The following DOCK4 variants were observed in gnomAD, a reference collection of about 807,000 sequenced individuals.
The protein encoded by DOCK4 is dedicator of cytokinesis 4.
Under a neutral mutation model 268.1 loss-of-function variants are expected in DOCK4, and 97 were observed. That is an observed-to-expected ratio of 0.36 (90% CI 0.31 to 0.43). The LOEUF (loss-of-function observed/expected upper bound fraction) is 0.43, where lower values mean the gene tolerates loss of function less well. DOCK4 is among the 20% of genes least tolerant of loss of function. The pLI, the probability that DOCK4 is intolerant of heterozygous loss-of-function variation, is 1.00. For missense variants in DOCK4, 2,145 were observed against 2,455.7 expected (o/e 0.87, Z 2.67); for synonymous variants, 954 against 887.2 (o/e 1.08, Z -1.34).
chr7:111,805,551 G>A lies in DOCK4; in HGVS notation c.3166+3270C>T, dbSNP rs550277663. On this transcript the variant is annotated intron_variant, in intron 30 of 52. Transcript: ENST00000428084. ...AACATAAGCAGTTCTAGGTCTCATA[G>A]GGTTGAAAAATTGCTCACAGGTTGC... 2.6e-5 allele frequency among the ~76,000 whole-genome samples: 4 copies of A among 152,262 alleles called. No homozygotes were observed. The South Asian group carries it at 8.3e-4, about 32-fold the overall frequency.
chr7:111,977,097 T>C, intron 8 of DOCK4, 35 bp downstream of exon 8: 1 of 1,609,610 alleles, frequency 6.2e-7, no homozygotes, highest in Non-Finnish European at 8.5e-7. Context: ...ATTCTAACAT[T>C]AAGACATTGA....
intron 16 of DOCK4, among the ~76,000 whole-genome samples, chr7:111,888,132 A>C (rs909540986): frequency 6.6e-6 from 1 of 151,694 alleles, no homozygotes; most frequent in Admixed American, 6.6e-5. Context: ...GTTTGCCTGC[A>C]ATGTTGATGG....
chr7:111,778,838 C>T (rs925816415), intron 35 of DOCK4, among the ~76,000 whole-genome samples: 4 of 152,054 alleles, frequency 2.6e-5, no homozygotes, highest in South Asian at 2.1e-4. Flanking sequence ...GGACAGATCA[C>T]GAGGTCAAGA....
chr7:111,820,228 G>A (rs1346848186), intron 27 of DOCK4: 1 of 152,236 alleles, frequency 6.6e-6, no homozygotes, highest in South Asian at 2.1e-4. Context: ...AGAACATACA[G>A]CAGACTGGCT....
chr7:112,074,011 T>C lies in DOCK4; in HGVS notation c.38-69880A>G, dbSNP rs1036707497. Among the ~76,000 whole-genome samples the C allele has an allele frequency of 3.3e-5, 5 of 152,330 alleles. No homozygotes were observed. In the East Asian group the frequency reaches 7.7e-4, roughly 23 times the overall value. The stretch of plus-strand genomic sequence containing the variant: ...AATATCACTCTGTATCCCATAAATT[T>C]GTACAATGATTACATGTCCAGTAAA... On this transcript the variant is annotated intron_variant, in intron 1 of 52. Coordinates refer to ENST00000428084, the MANE Select transcript of DOCK4 (RefSeq NM_001363540.2).
chr7:112,155,656 A>C (rs1816546342), intron 1 of DOCK4, among the ~76,000 whole-genome samples: 1 of 152,194 alleles, frequency 6.6e-6, no homozygotes, highest in South Asian at 2.1e-4. Context: ...TAGGAGTCCC[A>C]GACTGTGGAC....
At chr7:111,893,839 G>C (rs1808494342) in intron 16 of DOCK4, among the ~76,000 whole-genome samples, 1 of 152,216 alleles carries the variant, frequency 6.6e-6, no homozygotes, top group Non-Finnish European at 1.5e-5. Context: ...CCTGGCTGTA[G>C]TCTGTGGTCA....
intron 1 of DOCK4, among the ~76,000 whole-genome samples, chr7:112,149,992 C>A (rs1397270067): frequency 6.6e-6 from 1 of 152,208 alleles, no homozygotes; most frequent in Non-Finnish European, 1.5e-5. Flanking sequence ...CTGCTTCCAA[C>A]ACACTGTCTT....
chr7:111,790,330 G>A lies in DOCK4; in HGVS notation c.3315+127C>T, dbSNP rs538372678. ...GGCTGTGTGGCTTGGGAGTGGATAG[G>A]CCAGGCTGGAATCTAGGTCTGCTGA... On this transcript the variant is annotated intron_variant, in intron 31 of 52. Transcript: ENST00000428084. 646 of 1,134,500 alleles carry A rather than the reference G, an allele frequency of 5.7e-4. 1 individual carries two copies. The highest frequency in any genetic ancestry group is 1.3e-3 in the Admixed American group (52 of 40,850). The allele number at this position is 1,134,500 out of a possible 1,614,324, so 70.3% of individuals were successfully genotyped here.
chr7:112,156,426 T>G (rs1022068449), intron 1 of DOCK4, among the ~76,000 whole-genome samples: 1 of 152,224 alleles, frequency 6.6e-6, no homozygotes. Context: ...AAAAACTGTA[T>G]GGAATTGAAG....
intron 1 of DOCK4, among the ~76,000 whole-genome samples, chr7:112,085,613 A>G (rs774600511): frequency 1.6e-4 from 24 of 152,288 alleles, no homozygotes; most frequent in Admixed American, 9.2e-4. Context: ...GGAAGAATTC[A>G]CCCAATAAAT....
rs1805338738 is a variant in DOCK4, at chr7:111,859,758, G to A, written c.2473+3614C>T. Among the ~76,000 whole-genome samples the A allele has an allele frequency of 4.6e-5, 7 of 151,550 alleles. No individual in the cohort carries two copies. In the South Asian group the frequency reaches 1.3e-3, roughly 27 times the overall value. ...AATTTTTTGTATTTTTAGTAGAGAC[G>A]GGGTTTCACCGTTTTAGCCGGGATG... On this transcript the variant is annotated intron_variant, in intron 23 of 52. Transcript: ENST00000428084.
intron 1 of DOCK4, among the ~76,000 whole-genome samples, chr7:112,164,058 G>A (rs1208591981): frequency 6.6e-6 from 1 of 152,144 alleles, no homozygotes; most frequent in Non-Finnish European, 1.5e-5. Context: ...CTAAGGTGGA[G>A]AATTGCTTGA....
chr7:111,858,516 G>A (rs933620545), intron 23 of DOCK4, among the ~76,000 whole-genome samples: 1 of 152,208 alleles, frequency 6.6e-6, no homozygotes, highest in African/African-American at 2.4e-5. Flanking sequence ...CTGAATAGAA[G>A]AAAACGCTGA....
At chr7:111,955,376 A>G (rs1411906241) in intron 8 of DOCK4, among the ~76,000 whole-genome samples, 5 of 152,226 alleles carry the variant, frequency 3.3e-5, no homozygotes, top group Non-Finnish European at 5.9e-5. Flanking sequence ...ATTAATGCTC[A>G]AGCCCATATT....
intron 1 of DOCK4, among the ~76,000 whole-genome samples, chr7:112,166,000 T>C (rs1817584359): frequency 6.6e-6 from 1 of 152,164 alleles, no homozygotes; most frequent in African/African-American, 2.4e-5. Context: ...AGTAACTAAC[T>C]GAACAGGCCA....
chr7:111,948,394 A>G (rs1795791233), intron 8 of DOCK4, among the ~76,000 whole-genome samples: 1 of 152,142 alleles, frequency 6.6e-6, no homozygotes, highest in Admixed American at 6.5e-5. Flanking sequence ...TATCGAGTAA[A>G]TATTTCCAGA....
At chr7:111,896,255 G>C (rs1356373295) in intron 15 of DOCK4, among the ~76,000 whole-genome samples, 1 of 152,142 alleles carries the variant, frequency 6.6e-6, no homozygotes, top group African/African-American at 2.4e-5. Flanking sequence ...CTTGGAATAA[G>C]TTAGGCACGT....
chr7:111,782,810 G>A (rs778118693), intron 35 of DOCK4, 54 bp downstream of exon 35: 1 of 1,537,192 alleles, frequency 6.5e-7, no homozygotes. Context: ...GTATTTCTGG[G>A]AAAAAAATAC....
Sources: gnomAD v4.1 joint callset for allele counts (sites outside exome capture counted in the v4.1 genomes callset) on GRCh38, gnomAD v4.1.1 for gene constraint, MANE v1.5 for transcripts, NCBI Gene and HGNC (gene_info 2026-07-23, HGNC 2026-07-21) for gene names.